MS4A12: variants seen among roughly 807,000 people sequenced by gnomAD.
MS4A12 encodes membrane spanning 4-domains A12, also known as membrane-spanning 4-domains subfamily A member 12.
Under a neutral mutation model 23.7 loss-of-function variants are expected in MS4A12, and 28 were observed. The ratio of observed to expected loss-of-function variants is 1.18; its 90% CI spans 0.88 to 1.62. The LOEUF (loss-of-function observed/expected upper bound fraction) is 1.62. Ranked by LOEUF, MS4A12 falls within the 40% of genes most tolerant of loss-of-function variation. MS4A12 has a pLI of 0.00. For synonymous variants in MS4A12, 108 were observed against 110.1 expected, an observed-to-expected ratio of 0.98 and a Z score of 0.12; for missense variants, 342 against 327.0, an observed-to-expected ratio of 1.05 and a Z score of -0.35.
In MS4A12 at chr11:60,497,313, G is replaced by A. The variant is rs756467134; in HGVS notation, c.-6G>A. ...CTTTTGTATGTTTTGTGATACTTAG[G>A]ACATAATGATGTCATCCAAGCCAAC... On this transcript the variant is annotated splice_region_variant and 5_prime_UTR_variant, in exon 2 of 7. Coordinates refer to ENST00000016913, the MANE Select transcript of MS4A12 (RefSeq NM_017716.3). 4.3e-6 allele frequency: 7 copies of A among 1,609,948 alleles called. No homozygotes were observed. The highest frequency in any genetic ancestry group is 1.1e-5 in the South Asian group (1 of 90,370).
intron 5 of MS4A12, among the ~76,000 whole-genome samples, chr11:60,504,509 T>C (rs1048987293): frequency 6.6e-6 from 1 of 151,948 alleles, no homozygotes; most frequent in Admixed American, 6.6e-5. Context: ...CACAGAAGAG[T>C]GGTTTTATTG....
In MS4A12 at chr11:60,496,138, C is replaced by T. The variant is rs1027510585; in HGVS notation, c.-6-1175C>T. Among the ~76,000 whole-genome samples the T allele has an allele frequency of 3.9e-5, 6 of 152,152 alleles. No individual in the cohort carries two copies. In the East Asian group the frequency reaches 1.2e-3, roughly 29 times the overall value. ...ATAAATGGAAAGGGTCTTTTCTACC[C>T]TAAAATTTCTGGATTCTATGAGCAC... On this transcript the variant is annotated intron_variant, in intron 1 of 6. Coordinates refer to ENST00000016913, the MANE Select transcript of MS4A12 (RefSeq NM_017716.3).
chr11:60,506,706 C>A (rs778694290), intron 5 of MS4A12, 22 bp from the exon 6 acceptor site: 1 of 1,605,874 alleles, frequency 6.2e-7, no homozygotes, highest in Non-Finnish European at 8.5e-7. Flanking sequence ...GCCAAAATTT[C>A]ACTATTTATT....
intron 1 of MS4A12, among the ~76,000 whole-genome samples, chr11:60,495,718 A>G (rs117337046): frequency 0.01 from 1,532 of 152,338 alleles, 18 homozygotes; most frequent in Middle Eastern, 0.034. Context: ...TAAACATGAC[A>G]CTATACAGAC....
Position 60,497,312 on chromosome 11 carries a change from G to A in MS4A12, c.-6-1G>A, listed in dbSNP as rs752867357. On this transcript the variant is annotated splice_acceptor_variant, in intron 1 of 6. Coordinates refer to ENST00000016913, the MANE Select transcript of MS4A12 (RefSeq NM_017716.3). LOFTEE classifies it low-confidence loss of function (5UTR_SPLICE). Reference sequence around the variant, plus strand: ...ACTTTTGTATGTTTTGTGATACTTAGGACATAATGATGTCATCCAAGCCAA... The same window carrying A: ...ACTTTTGTATGTTTTGTGATACTTAAGACATAATGATGTCATCCAAGCCAA... The A allele has an allele frequency of 1.9e-5, 30 of 1,609,300 alleles. No individual in the cohort carries two copies. The highest frequency in any genetic ancestry group is 2.5e-5 in the Non-Finnish European group (30 of 1,177,922).
In MS4A12 at chr11:60,506,831, C is replaced by A. The variant is rs750280122; in HGVS notation, c.692C>A (p.Thr231Asn). ...AHFANQANTT[T>N]NMSVLVIPNM... Reference sequence around the variant, plus strand: ...TTTGCCAACCAAGCAAACACCACAACCAATATGGTGAGTTGGGTCTCTTCT... The same window carrying A: ...TTTGCCAACCAAGCAAACACCACAAACAATATGGTGAGTTGGGTCTCTTCT... The change falls in exon 6 of 7, where the codon ACC becomes AAC. Residue 231 changes from threonine to asparagine, a missense_variant. By Grantham distance (65) the Thr-to-Asn change is moderately conservative. Coordinates refer to ENST00000016913, the MANE Select transcript of MS4A12 (RefSeq NM_017716.3). 6.2e-7 allele frequency: 1 copy of A among 1,611,792 alleles called. No homozygotes were observed. Among genetic ancestry groups the A allele is most frequent in the Admixed American group, 1.7e-5 (1 of 60,022 alleles).
chr11:60,506,751 C>T lies in MS4A12; in HGVS notation c.612C>T (p.Ala204=), dbSNP rs1178787516. 5 of 1,613,978 alleles carry T rather than the reference C, an allele frequency of 3.1e-6. No homozygotes were observed. The highest frequency in any genetic ancestry group is 3.3e-4 in the Middle Eastern group (2 of 6,084). ...WAVLSGKGIS[A]TLMIFSLLEF... ...AGCTTTCTGGAAAAGGCATTTCAGC[C>T]ACGCTGATGATCTTCTCCCTCTTGG... The change falls in exon 6 of 7, where the codon GCC becomes GCT. Residue 204 remains alanine (A), a synonymous_variant. Coordinates refer to ENST00000016913, the MANE Select transcript of MS4A12 (RefSeq NM_017716.3).
rs1476442625 is a variant in MS4A12 at position 60,497,394 on chromosome 11, A to G, written c.76A>G (p.Met26Val). The G allele has an allele frequency of 1.9e-6, 3 of 1,614,068 alleles. No homozygotes were observed. Among genetic ancestry groups the G allele is most frequent in the African/African-American group, 1.3e-5 (1 of 74,924 alleles). ...CAACCCTTACCCACCAAGCAGCTTTATGGCTCCTGGATTTCAACAGCCTCT... is the reference window on the plus strand; with the variant it reads ...CAACCCTTACCCACCAAGCAGCTTTGTGGCTCCTGGATTTCAACAGCCTCT... ...IPNPYPPSSF[M>V]APGFQQPLGS... Residue 26 changes from methionine (M) to valine (V), a missense_variant, in exon 2 of 7, where the codon ATG (methionine) becomes GTG (valine). Physicochemically the swap from Met to Val is conservative, Grantham distance 21. Coordinates refer to ENST00000016913, the MANE Select transcript of MS4A12 (RefSeq NM_017716.3).
intron 4 of MS4A12, among the ~76,000 whole-genome samples, chr11:60,503,460 T>A (rs1226029570): frequency 1.3e-5 from 2 of 152,214 alleles, no homozygotes; most frequent in Non-Finnish European, 2.9e-5. Flanking sequence ...ATCCAATAGA[T>A]GAGTGCCTGC....
chr11:60,506,608 G>C, intron 5 of MS4A12, 120 bp from the exon 6 acceptor site: 1 of 672,722 alleles, frequency 1.5e-6, no homozygotes, highest in South Asian at 2.0e-5. Context: ...GATACTGGAA[G>C]AATAAGCATG....
At chr11:60,498,984 C>T (rs948770702) in intron 2 of MS4A12, among the ~76,000 whole-genome samples, 1 of 152,162 alleles carries the variant, frequency 6.6e-6, no homozygotes, top group Non-Finnish European at 1.5e-5. Context: ...GGTGGTGAGG[C>T]CTGCAGAGCA....
intron 4 of MS4A12, 59 bp downstream of exon 4, chr11:60,502,098 G>T (rs905016757): frequency 9.8e-5 from 146 of 1,485,254 alleles, no homozygotes; most frequent in Admixed American, 7.1e-4. Context: ...ACATATTGGG[G>T]AGGAAAATTG....
intron 2 of MS4A12, among the ~76,000 whole-genome samples, chr11:60,499,978 A>G (rs2086517645): frequency 6.6e-6 from 1 of 152,220 alleles, no homozygotes; most frequent in Non-Finnish European, 1.5e-5. Context: ...AACTTTTTAA[A>G]AAAGGACAAT....
At chr11:60,502,149 CA>C (rs1435529235) in intron 4 of MS4A12, 110 bp downstream of exon 4, 81 of 1,084,128 alleles carry the variant, frequency 7.5e-5, no homozygotes, top group African/African-American at 9.6e-5. Flanking sequence ...GCACCTTTCC[CA>C]AAAAAAATCT....
intron 1 of MS4A12, 131 bp downstream of exon 1, chr11:60,492,959 G>A (rs1311304171): frequency 6.6e-6 from 1 of 152,054 alleles, no homozygotes; most frequent in Non-Finnish European, 1.5e-5. Flanking sequence ...CTATGTTGAG[G>A]CCAGTTGAAA....
At chr11:60,505,273 T>A (rs1224543232) in intron 5 of MS4A12, among the ~76,000 whole-genome samples, 3 of 152,058 alleles carry the variant, frequency 2.0e-5, no homozygotes, top group Admixed American at 2.0e-4. Flanking sequence ...TCAGATCTCA[T>A]GAGACCCATT....
intron 1 of MS4A12, among the ~76,000 whole-genome samples, 200 bp from the exon 2 acceptor site, chr11:60,497,113 C>T (rs1267753596): frequency 6.6e-6 from 1 of 152,210 alleles, no homozygotes; most frequent in Non-Finnish European, 1.5e-5. Flanking sequence ...AGGTTTCCAA[C>T]AGACCACAGA....
chr11:60,498,537 AG>A lies in MS4A12; in HGVS notation c.276+944del, dbSNP rs200242047. Among the ~76,000 whole-genome samples the A allele has an allele frequency of 5.1e-3, 771 of 152,328 alleles. 3 individuals carry two copies. The highest frequency in any genetic ancestry group is 0.033 in the South Asian group (158 of 4,818). ...GGACAAACTAACACCCCATACAGCC[AG>A]CCCCACACAGGTGCTTGGAATATCA... On this transcript the variant is annotated intron_variant, in intron 2 of 6. Transcript: ENST00000016913.
In MS4A12 at chr11:60,503,815, G is replaced by A. The variant is rs767822239; in HGVS notation, c.586G>A (p.Val196Met). The A allele has an allele frequency of 1.1e-5, 17 of 1,610,804 alleles. No individual in the cohort carries two copies. The highest frequency in any genetic ancestry group is 4.4e-5 in the South Asian group (4 of 90,860). ...NGVAGQDYWAVLSGKGISATL... is the reference protein window; with the variant it reads ...NGVAGQDYWAMLSGKGISATL... ...GGTAGCTGGCCAAGACTACTGGGCC[G>A]TGGTAAGTATCCCATACTCCACCAT... Residue 196 changes from valine (V) to methionine (M), a missense_variant and splice_region_variant, in exon 5 of 7, where the codon GTG becomes ATG. By Grantham distance (21) the Val-to-Met change is conservative (BLOSUM62 1). Coordinates refer to ENST00000016913, the MANE Select transcript of MS4A12 (RefSeq NM_017716.3).
Sources: allele counts gnomAD v4.1 joint callset (sites outside exome capture counted in the v4.1 genomes callset), GRCh38; gene constraint gnomAD v4.1.1; transcripts MANE v1.5; gene names NCBI Gene and HGNC (gene_info 2026-07-23, HGNC 2026-07-21).